SOCS2: variants seen among roughly 807,000 people sequenced by gnomAD.
SOCS2 encodes suppressor of cytokine signaling 2.
SOCS2 carries 10 observed loss-of-function variants against 18.6 expected under a neutral mutation model. The observed-to-expected ratio is 0.54, with a 90% CI of 0.33 to 0.91. The LOEUF is 0.91. Ranked by LOEUF, SOCS2 falls within the 40% of genes least tolerant of loss-of-function variation. The pLI, the probability that SOCS2 is intolerant of heterozygous loss-of-function variation, is 0.02. For synonymous variants in SOCS2, 104 were observed against 104.0 expected (o/e 1.00, Z 0.00); for missense variants, 231 against 247.2 (o/e 0.93, Z 0.44).
chr12:93,601,818 T>C, the SOCS2 span, among the ~76,000 whole-genome samples: 1 of 152,242 alleles, frequency 6.6e-6, no homozygotes, highest in African/African-American at 2.4e-5. Context: ...TGATGCATTA[T>C]ACAACTGTCT....
the SOCS2 span, among the ~76,000 whole-genome samples, chr12:93,625,967 T>A: frequency 6.6e-6 from 1 of 151,968 alleles, no homozygotes. Flanking sequence ...CTGCAAATAC[T>A]GGGTGCTCAG....
the SOCS2 span, among the ~76,000 whole-genome samples, chr12:93,611,703 T>C: frequency 1.3e-5 from 2 of 152,248 alleles, no homozygotes; most frequent in Non-Finnish European, 2.9e-5. Context: ...TCTGATTTTA[T>C]GTTTCAGCAC....
downstream of SOCS2, among the ~76,000 whole-genome samples, chr12:93,586,540 T>C (rs964573852): frequency 2.6e-5 from 4 of 152,224 alleles, no homozygotes; most frequent in Non-Finnish European, 5.9e-5. Context: ...GAGGCCTTTT[T>C]CTGTAGCAAA....
chr12:93,585,402 T>C (rs1032134496), downstream of SOCS2, among the ~76,000 whole-genome samples: 1 of 152,112 alleles, frequency 6.6e-6, no homozygotes, highest in African/African-American at 2.4e-5. Context: ...TAGTGGTGTT[T>C]AAATGCCCTG....
At chr12:93,587,750 A>G (rs1213978244), downstream of SOCS2, among the ~76,000 whole-genome samples, 1 of 151,948 alleles carries the variant, frequency 6.6e-6, no homozygotes, top group Non-Finnish European at 1.5e-5. Context: ...AGAGCAGACC[A>G]CACGAAGGTG....
chr12:93,589,208 G>T, the SOCS2 span, among the ~76,000 whole-genome samples: 8 of 152,180 alleles, frequency 5.3e-5, no homozygotes, highest in Non-Finnish European at 7.3e-5. Context: ...GCAGTGCCTT[G>T]CAGTCTGCGA....
At chr12:93,618,697 C>T in the SOCS2 span, among the ~76,000 whole-genome samples, 20 of 152,240 alleles carry the variant, frequency 1.3e-4, no homozygotes, top group African/African-American at 3.9e-4. Context: ...ATCATTCCCT[C>T]GAGTAGCCCC....
chr12:93,625,189 T>C, the SOCS2 span, among the ~76,000 whole-genome samples: 1 of 152,248 alleles, frequency 6.6e-6, no homozygotes, highest in Non-Finnish European at 1.5e-5. Context: ...TTAAACATTC[T>C]CAGTGACTCA....
downstream of SOCS2, among the ~76,000 whole-genome samples, chr12:93,580,838 A>G (rs781216877): frequency 3.9e-5 from 6 of 152,050 alleles, no homozygotes; most frequent in Non-Finnish European, 8.8e-5. Flanking sequence ...TGTATTTTGC[A>G]TATTGGATTA....
chr12:93,623,666 T>G, the SOCS2 span, among the ~76,000 whole-genome samples: 1 of 152,138 alleles, frequency 6.6e-6, no homozygotes, highest in Non-Finnish European at 1.5e-5. Flanking sequence ...CTAGCTGTGG[T>G]CTAAATGCAT....
the SOCS2 span, among the ~76,000 whole-genome samples, chr12:93,623,225 G>T: frequency 6.6e-6 from 1 of 152,088 alleles, no homozygotes; most frequent in Non-Finnish European, 1.5e-5. Flanking sequence ...TAAGTGCCAA[G>T]AAGTTTTCCT....
chr12:93,614,561 TTCTTTCTTTCTTTC>T, the SOCS2 span, among the ~76,000 whole-genome samples: 1 of 50,336 alleles, frequency 2.0e-5, no homozygotes, highest in Non-Finnish European at 3.5e-5. Flanking sequence ...CTTTCTTTCT[TTCTTTCTTTCTTTC>T]TTTCTTTCTT....
chr12:93,592,533 A>G, the SOCS2 span, among the ~76,000 whole-genome samples: 1 of 152,238 alleles, frequency 6.6e-6, no homozygotes, highest in Non-Finnish European at 1.5e-5. Flanking sequence ...GCCCAAGGGT[A>G]CATGGCACTT....
the SOCS2 span, among the ~76,000 whole-genome samples, chr12:93,590,616 G>A: frequency 6.6e-6 from 1 of 151,522 alleles, no homozygotes; most frequent in Non-Finnish European, 1.5e-5. Flanking sequence ...CCAACATGGT[G>A]AAACCTGTCT....
chr12:93,619,784 C>A, the SOCS2 span, among the ~76,000 whole-genome samples: 13 of 152,172 alleles, frequency 8.5e-5, no homozygotes, highest in African/African-American at 3.1e-4. Context: ...CAGCCTGGAA[C>A]CTGCATCCCT....
At chr12:93,593,235 T>C in the SOCS2 span, among the ~76,000 whole-genome samples, 9 of 152,312 alleles carry the variant, frequency 5.9e-5, no homozygotes, top group African/African-American at 2.2e-4. Context: ...CCCGACTCTA[T>C]ATCTAGATCC....
At chr12:93,605,708 G>A in the SOCS2 span, among the ~76,000 whole-genome samples, 1 of 152,112 alleles carries the variant, frequency 6.6e-6, no homozygotes, top group Non-Finnish European at 1.5e-5. Flanking sequence ...CAGGTAATGG[G>A]GAAAAAACAA....
the SOCS2 span, among the ~76,000 whole-genome samples, chr12:93,596,036 C>T: frequency 1.3e-5 from 2 of 152,120 alleles, no homozygotes; most frequent in East Asian, 3.9e-4. Flanking sequence ...TTTAATACTT[C>T]TCAGAACTTT....
chr12:93,616,586 G>A, the SOCS2 span, among the ~76,000 whole-genome samples: 3 of 152,172 alleles, frequency 2.0e-5, no homozygotes, highest in African/African-American at 7.2e-5. Flanking sequence ...AAACCACATC[G>A]GGCATTCCTC....
Sources: gnomAD v4.1 joint callset for allele counts (sites outside exome capture counted in the v4.1 genomes callset) on GRCh38, gnomAD v4.1.1 for gene constraint, MANE v1.5 for transcripts, NCBI Gene and HGNC (gene_info 2026-07-23, HGNC 2026-07-21) for gene names.